NELL1: variants seen among roughly 807,000 people sequenced by gnomAD.
NELL1 encodes neural EGFL like 1.
A neutral mutation model predicts 107.4 loss-of-function variants in NELL1; 76 were observed. The observed-to-expected ratio is 0.71, with a 90% CI of 0.59 to 0.86. The LOEUF (loss-of-function observed/expected upper bound fraction) is 0.86. NELL1 is among the 40% of genes least tolerant of loss of function. The probability of loss-of-function intolerance (pLI) is 0.00; values close to 1 mark genes in which losing one functional copy is unlikely to be tolerated. For synonymous variants in NELL1, 353 were observed against 341.2 expected, an observed-to-expected ratio of 1.03 and a Z score of -0.38; for missense variants, 1,024 against 1,005.5, an observed-to-expected ratio of 1.02 and a Z score of -0.25.
At chr11:21,153,156 T>C (rs1272747511) in intron 13 of NELL1, among the ~76,000 whole-genome samples, 2 of 152,184 alleles carry the variant, frequency 1.3e-5, no homozygotes, top group African/African-American at 4.8e-5. Flanking sequence ...TGTGTTTTCA[T>C]CAGGCATTTT....
At chr11:20,930,311 C>T (rs1222034225) in intron 9 of NELL1, among the ~76,000 whole-genome samples, 2 of 152,028 alleles carry the variant, frequency 1.3e-5, no homozygotes, top group African/African-American at 4.8e-5. Context: ...ATTTTGTGTG[C>T]AGTTGAGGTT....
chr11:21,533,295 G>A (rs1454477101), intron 15 of NELL1, among the ~76,000 whole-genome samples: 1 of 152,138 alleles, frequency 6.6e-6, no homozygotes, highest in Admixed American at 6.6e-5. Context: ...GTAGCTGATT[G>A]CCCCTGAACT....
At chr11:21,275,064 G>A (rs1848824317) in intron 14 of NELL1, among the ~76,000 whole-genome samples, 1 of 152,156 alleles carries the variant, frequency 6.6e-6, no homozygotes, top group Admixed American at 6.6e-5. Context: ...CAGAACTGAA[G>A]GAGATGGACA....
At chr11:21,563,958 T>C (rs1332100584) in intron 17 of NELL1, among the ~76,000 whole-genome samples, 2 of 151,880 alleles carry the variant, frequency 1.3e-5, no homozygotes, top group African/African-American at 4.8e-5. Context: ...GTTAGAAATA[T>C]GAAGTGAATC....
chr11:21,188,123 T>C (rs1038985181), intron 13 of NELL1, among the ~76,000 whole-genome samples: 1 of 151,848 alleles, frequency 6.6e-6, no homozygotes, highest in Non-Finnish European at 1.5e-5. Flanking sequence ...CATCATCCCT[T>C]TGGGGAAGAT....
intron 12 of NELL1, among the ~76,000 whole-genome samples, chr11:20,975,707 T>G (rs1851597309): frequency 1.0e-5 from 1 of 97,000 alleles, no homozygotes; most frequent in African/African-American, 4.7e-5. Context: ...TATTATATAA[T>G]ATACATATTA....
At chr11:21,532,219 G>T (rs374061131) in intron 15 of NELL1, among the ~76,000 whole-genome samples, 1 of 152,254 alleles carries the variant, frequency 6.6e-6, no homozygotes, top group East Asian at 1.9e-4. Context: ...TGTCCCTGGG[G>T]AAGTTGTAGA....
intron 12 of NELL1, among the ~76,000 whole-genome samples, chr11:20,962,751 A>T (rs1395243259): frequency 1.3e-5 from 2 of 152,202 alleles, no homozygotes; most frequent in African/African-American, 4.8e-5. Flanking sequence ...AGCTCAGTGT[A>T]TGAGCCTGGC....
chr11:20,722,954 C>A (rs1855425726), intron 2 of NELL1, among the ~76,000 whole-genome samples: 1 of 152,100 alleles, frequency 6.6e-6, no homozygotes, highest in Non-Finnish European at 1.5e-5. Context: ...CAAGGCACAT[C>A]TTACATAACA....
chr11:20,856,177 CA>C lies in NELL1; in HGVS notation c.506+8425del, dbSNP rs1332887930. On this transcript the variant is annotated intron_variant, in intron 4 of 19. Coordinates refer to ENST00000357134, the MANE Select transcript of NELL1 (RefSeq NM_006157.5). ...ATGTTTCTGTGCACTCTTTTTCCTG[CA>C]CAAACCCCAAATCTAGGTGACTTTT... Among the ~76,000 whole-genome samples, 8 of 152,260 alleles carry C rather than the reference CA, an allele frequency of 5.3e-5. 1 individual carries two copies. In the South Asian group the frequency reaches 8.3e-4, roughly 16 times the overall value.
intron 13 of NELL1, among the ~76,000 whole-genome samples, chr11:21,130,605 G>C (rs1285200769): frequency 2.0e-5 from 3 of 152,128 alleles, no homozygotes; most frequent in African/African-American, 7.2e-5. Context: ...AAAGAGGCTT[G>C]CTTTTTTTCT....
At chr11:21,561,907 T>G (rs1856859026) in intron 17 of NELL1, among the ~76,000 whole-genome samples, 1 of 152,060 alleles carries the variant, frequency 6.6e-6, no homozygotes. Flanking sequence ...GGTTAGAATA[T>G]TTCCATAATT....
At chr11:21,028,492 G>A (rs1852875459) in intron 12 of NELL1, among the ~76,000 whole-genome samples, 1 of 152,126 alleles carries the variant, frequency 6.6e-6, no homozygotes, top group Non-Finnish European at 1.5e-5. Context: ...AACAGGTAAT[G>A]CCCACTGACG....
chr11:20,714,368 AT>A (rs34626801), intron 2 of NELL1, among the ~76,000 whole-genome samples: 141,368 of 148,096 alleles, frequency 0.95, 67,791 homozygotes, highest in South Asian at 1. Context: ...CACGCCCGGC[AT>A]TTTTTTTTTT....
chr11:20,818,296 A>C (rs2134021271), intron 3 of NELL1, among the ~76,000 whole-genome samples: 1 of 152,026 alleles, frequency 6.6e-6, no homozygotes. Flanking sequence ...ATTATAAGTA[A>C]GTCTTCCTGT....
chr11:21,458,852 A>AT (rs1233160661), intron 15 of NELL1, among the ~76,000 whole-genome samples: 1 of 151,992 alleles, frequency 6.6e-6, no homozygotes, highest in Non-Finnish European at 1.5e-5. Context: ...AATGAAGAGA[A>AT]TTTTTTTCTG....
At chr11:21,451,691 G>A (rs1250320827) in intron 15 of NELL1, among the ~76,000 whole-genome samples, 1 of 152,188 alleles carries the variant, frequency 6.6e-6, no homozygotes, top group African/African-American at 2.4e-5. Flanking sequence ...CTGAAAGAGA[G>A]TGACACATAT....
chr11:21,024,422 C>A (rs969615369), intron 12 of NELL1, among the ~76,000 whole-genome samples: 6 of 152,040 alleles, frequency 3.9e-5, no homozygotes, highest in Admixed American at 1.3e-4. Flanking sequence ...CCATAGGAAG[C>A]GCTGTAATAG....
At chr11:20,685,820 G>A (rs1203320591) in intron 2 of NELL1, among the ~76,000 whole-genome samples, 2 of 152,044 alleles carry the variant, frequency 1.3e-5, no homozygotes, top group Non-Finnish European at 2.9e-5. Context: ...CAGAAGACTG[G>A]GGAAGGGCAG....
Sources: allele counts gnomAD v4.1 joint callset (sites outside exome capture counted in the v4.1 genomes callset), GRCh38; gene constraint gnomAD v4.1.1; transcripts MANE v1.5; gene names NCBI Gene and HGNC (gene_info 2026-07-23, HGNC 2026-07-21).